The following AMPD3 variants were observed in gnomAD, a reference collection of about 807,000 sequenced individuals.
AMPD3 encodes AMP deaminase 3.
Under a neutral mutation model 82.3 loss-of-function variants are expected in AMPD3, and 57 were observed. That is an observed-to-expected ratio of 0.69 (90% confidence interval 0.56 to 0.86). The LOEUF (loss-of-function observed/expected upper bound fraction) is 0.86. Among genes scored for constraint, AMPD3 ranks in the 40% least tolerant of loss-of-function variants. The pLI is 0.00. For missense variants in AMPD3, 870 were observed against 1,003.8 expected (o/e 0.87, Z 1.80); for synonymous variants, 381 against 394.7 (o/e 0.97, Z 0.41).
intron 4 of AMPD3, among the ~76,000 whole-genome samples, chr11:10,483,646 A>C (rs922360): frequency 0.17 from 26,171 of 152,292 alleles, 2,378 homozygotes; most frequent in Non-Finnish European, 0.2. Flanking sequence ...AACTGCCTGC[A>C]TCTCACAGAC....
rs921328324 is a variant in AMPD3 at position 10,456,851 on chromosome 11, C to T, written c.-6+1403C>T. 2.0e-5 allele frequency among the ~76,000 whole-genome samples: 3 copies of T among 152,132 alleles called. No individual in the cohort carries two copies. The highest frequency in any genetic ancestry group is 7.2e-5 in the African/African-American group (3 of 41,420). ...CGGGTTGGCAGGTGGGAGCTGTCTG[C>T]CAAGGACATCCAGAAGGCAGCAGAT... On this transcript the variant is annotated intron_variant, in intron 1 of 14. Transcript: ENST00000396553. This position sits in a 1 kb window ranked among gnomAD's most constrained non-coding sequence, Gnocchi z 4.3.
chr11:10,476,322 G>C (rs1848734013), intron 2 of AMPD3, among the ~76,000 whole-genome samples: 1 of 152,170 alleles, frequency 6.6e-6, no homozygotes, highest in South Asian at 2.1e-4. Flanking sequence ...CAAGGTTGTC[G>C]CCATAATGGA....
In AMPD3 at chr11:10,493,390, G is replaced by A. The variant is rs555477655; in HGVS notation, c.981G>A (p.Lys327=). 2.5e-6 allele frequency: 4 copies of A among 1,614,244 alleles called. No homozygotes were observed. Among genetic ancestry groups the A allele is most frequent in the African/African-American group, 2.7e-5 (2 of 75,066 alleles). ...HIHAAACMNQ[K]HLLRFIKHTY... ...ATGCGGCCGCCTGCATGAACCAAAA[G>A]CATCTGCTGCGCTTCATCAAGCACA... The change falls in exon 7 of 15, where the codon AAG becomes AAA. Residue 327 remains lysine, a synonymous_variant. Transcript: ENST00000396553.
intron 10 of AMPD3, 60 bp downstream of exon 10, chr11:10,496,998 T>C: frequency 6.3e-7 from 1 of 1,597,646 alleles, no homozygotes; most frequent in Non-Finnish European, 8.6e-7. Context: ...ATGGATTCGC[T>C]GTGAGCTGGG....
chr11:10,465,129 G>A (rs753072322), intron 2 of AMPD3, among the ~76,000 whole-genome samples: 4 of 152,136 alleles, frequency 2.6e-5, no homozygotes, highest in Admixed American at 6.5e-5. Context: ...AATCCTTAGC[G>A]CAGTGCTTGG....
At chr11:10,477,761 C>A (rs1235084391) in intron 2 of AMPD3, 1 of 496,728 alleles carries the variant, frequency 2.0e-6, no homozygotes, top group Non-Finnish European at 2.6e-6. Context: ...GGGCTGGAGG[C>A]TGGGTGGAGC....
rs117706710 is a variant in AMPD3 at position 10,487,356 on chromosome 11, G to A, written c.931G>A (p.Val311Met). 9 of 1,614,064 alleles carry A rather than the reference G, an allele frequency of 5.6e-6. No individual in the cohort carries two copies. Among genetic ancestry groups the A allele is most frequent in the Admixed American group, 3.3e-5 (2 of 60,028 alleles). The change falls in exon 6 of 15, where the codon GTG becomes ATG. Residue 311 changes from valine to methionine, a missense_variant. Coordinates refer to ENST00000396553, the MANE Select transcript of AMPD3 (RefSeq NM_001025389.2). ...TAACCCCCACCGGGACTTCTATAAC[G>A]TGAGAAAGGTGCGTTAGGGGCGAGT... is the stretch of plus-strand genomic sequence containing the variant. Reference protein sequence around the residue: ...KSNPHRDFYNVRKVDTHIHAA... With the variant: ...KSNPHRDFYNMRKVDTHIHAA...
intron 12 of AMPD3, 23 bp downstream of exon 12, chr11:10,501,613 C>T: frequency 6.2e-7 from 1 of 1,614,102 alleles, no homozygotes; most frequent in Non-Finnish European, 8.5e-7. Flanking sequence ...CTCTCGGGAG[C>T]CCGTCCTGAG....
At chr11:10,505,155 T>C in intron 14 of AMPD3, 2 of 985,396 alleles carry the variant, frequency 2.0e-6, no homozygotes, top group Non-Finnish European at 2.4e-6. Context: ...CTGTCATTTT[T>C]TAAAAAGCCT....
chr11:10,461,851 G>T (rs1848280545), intron 2 of AMPD3, 111 bp downstream of exon 2: 2 of 1,054,486 alleles, frequency 1.9e-6, no homozygotes, highest in Admixed American at 4.0e-5. Context: ...TGTCCCTAGA[G>T]CTGTGTTGGT....
At chr11:10,452,752 CAT>C (rs1847992151), upstream of AMPD3, among the ~76,000 whole-genome samples, 1 of 152,208 alleles carries the variant, frequency 6.6e-6, no homozygotes. Flanking sequence ...TTATAAAACA[CAT>C]ACTCTATGCC....
At chr11:10,460,065 T>G (rs1848218037) in intron 1 of AMPD3, among the ~76,000 whole-genome samples, 1 of 143,636 alleles carries the variant, frequency 7.0e-6, no homozygotes, top group African/African-American at 2.6e-5. Context: ...ATAATATATA[T>G]TATATATAAT....
intron 1 of AMPD3, among the ~76,000 whole-genome samples, chr11:10,460,068 T>C (rs1219269640): frequency 6.9e-6 from 1 of 145,014 alleles, no homozygotes; most frequent in Non-Finnish European, 1.5e-5. Flanking sequence ...ATATATATTA[T>C]ATATAATATA....
At chr11:10,468,961 C>A (rs571020549) in intron 2 of AMPD3, among the ~76,000 whole-genome samples, 1 of 152,202 alleles carries the variant, frequency 6.6e-6, no homozygotes, top group Non-Finnish European at 1.5e-5. Context: ...AAAGACACAA[C>A]GTACCAGAAT....
chr11:10,495,434 T>A, intron 8 of AMPD3, 136 bp from the exon 9 acceptor site: 2 of 1,551,888 alleles, frequency 1.3e-6, no homozygotes, highest in Non-Finnish European at 1.7e-6. Flanking sequence ...CAGGCAGCCC[T>A]GGGGATTTAG....
chr11:10,455,568 G>A (rs1848069005), intron 1 of AMPD3, 120 bp downstream of exon 1: 1 of 462,200 alleles, frequency 2.2e-6, no homozygotes, highest in Non-Finnish European at 2.8e-6. Context: ...AGTCACCTGT[G>A]ATGTGGGCTT....
intron 2 of AMPD3, among the ~76,000 whole-genome samples, chr11:10,473,199 G>A (rs762314560): frequency 1.3e-5 from 2 of 152,220 alleles, no homozygotes; most frequent in Admixed American, 6.5e-5. Context: ...GAACCCAGGA[G>A]CTGGAGGTTG....
Position 10,500,211 on chromosome 11 carries a change from C to T in AMPD3, c.1683C>T (p.Tyr561=), listed in dbSNP as rs1293822699. The T allele has an allele frequency of 1.9e-6, 3 of 1,614,134 alleles. No homozygotes were observed. The highest frequency in any genetic ancestry group is 1.3e-5 in the African/African-American group (1 of 74,950). The part of the protein sequence containing the change: ...QNPPYSYYLY[Y]MYANIMVLNN... The stretch of plus-strand genomic sequence containing the variant: ...CACCCTACAGCTACTACCTGTACTA[C>T]ATGTATGCCAACATCATGGTGCTCA... The change falls in exon 11 of 15, where the codon TAC becomes TAT. Residue 561 remains tyrosine, a synonymous_variant. Coordinates refer to ENST00000396553, the MANE Select transcript of AMPD3 (RefSeq NM_001025389.2).
chr11:10,457,144 T>C (rs113787585), intron 1 of AMPD3, among the ~76,000 whole-genome samples: 4 of 149,854 alleles, frequency 2.7e-5, no homozygotes, highest in Non-Finnish European at 4.5e-5. Flanking sequence ...CACCTGGCTG[T>C]TTTTTTTTCT....
Sources: allele counts gnomAD v4.1 joint callset (sites outside exome capture counted in the v4.1 genomes callset), GRCh38; gene constraint gnomAD v4.1.1; non-coding constraint Gnocchi (gnomAD v3.1); transcripts MANE v1.5; gene names NCBI Gene and HGNC (gene_info 2026-07-23, HGNC 2026-07-21).